The following ACTL8 variants were observed in gnomAD, a reference collection of about 807,000 sequenced individuals.
ACTL8 encodes the protein actin-like protein 8.
In ACTL8, 3 loss-of-function variants were observed where a neutral mutation model predicts 9.3. The observed-to-expected ratio is 0.32, with a 90% CI of 0.15 to 0.83. ACTL8 has a LOEUF of 0.83. Among genes scored for constraint, ACTL8 ranks in the 40% least tolerant of loss-of-function variants. ACTL8 has a pLI of 0.57. For synonymous variants in ACTL8, 224 were observed against 205.9 expected, an observed-to-expected ratio of 1.09 and a Z score of -0.75; for missense variants, 381 against 492.2, an observed-to-expected ratio of 0.77 and a Z score of 2.14.
In ACTL8 at chr1:17,823,493, A is replaced by AAAGTGTTGGGATT; in HGVS notation, c.348+138_348+139insAGTGTTGGGATTA. On this transcript the variant is annotated intron_variant, in intron 2 of 2. Transcript: ENST00000375406. This position sits in a 1 kb window ranked among gnomAD's most constrained non-coding sequence, Gnocchi z 5.3. ...TGTGGTGGCTTATGCCTGTAATCCC[A>AAAGTGTTGGGATT]ACACTTTGGGACTCCCAGGCAGGCA... 1 of 849,884 alleles carries AAAGTGTTGGGATT rather than the reference A, an allele frequency of 1.2e-6. No homozygotes were observed. The highest frequency in any genetic ancestry group is 1.8e-6 in the Non-Finnish European group (1 of 564,584). The allele number at this position is 849,884 out of a possible 1,614,324, so 52.6% of individuals were successfully genotyped here. A position where few individuals can be genotyped will look rare whatever the true frequency, so the allele number is the denominator to read the frequency against.
At chr1:17,786,228 A>G (rs1193479787) in intron 1 of ACTL8, among the ~76,000 whole-genome samples, 1 of 152,224 alleles carries the variant, frequency 6.6e-6, no homozygotes, top group Non-Finnish European at 1.5e-5. Context: ...ATGAAACGCC[A>G]TCACAGGAGA....
chr1:17,793,344 C>A (rs1385989613), intron 1 of ACTL8, among the ~76,000 whole-genome samples: 1 of 152,188 alleles, frequency 6.6e-6, no homozygotes, highest in Admixed American at 6.5e-5. Flanking sequence ...CTACTGTGTG[C>A]ACAGCCTGTG....
At chr1:17,810,596 G>T (rs1482913651) in intron 1 of ACTL8, among the ~76,000 whole-genome samples, 2 of 152,086 alleles carry the variant, frequency 1.3e-5, no homozygotes, top group Admixed American at 6.6e-5. Context: ...ATAAATGCAT[G>T]CAGGCATGTA....
chr1:17,794,098 C>T (rs981201451), intron 1 of ACTL8, among the ~76,000 whole-genome samples: 1 of 152,100 alleles, frequency 6.6e-6, no homozygotes, highest in Non-Finnish European at 1.5e-5. Flanking sequence ...TCACAATCAC[C>T]CTGTTTATGG....
intron 1 of ACTL8, among the ~76,000 whole-genome samples, chr1:17,755,949 G>A (rs1045846761): frequency 1.7e-4 from 26 of 152,160 alleles, no homozygotes; most frequent in Middle Eastern, 3.4e-3. Flanking sequence ...CCTGGGGTGG[G>A]GGGCTGTTCC....
intron 1 of ACTL8, among the ~76,000 whole-genome samples, chr1:17,761,363 C>T (rs898216203): frequency 1.3e-5 from 2 of 152,220 alleles, no homozygotes; most frequent in East Asian, 3.9e-4. Context: ...TTCTGCTTTA[C>T]CTGCTTCCCT....
chr1:17,773,680 G>A (rs2066098505), intron 1 of ACTL8, among the ~76,000 whole-genome samples: 1 of 152,210 alleles, frequency 6.6e-6, no homozygotes, highest in Non-Finnish European at 1.5e-5. Flanking sequence ...TCTCCCCTTA[G>A]CTGTGTGACT....
chr1:17,792,124 G>T (rs1464528856), intron 1 of ACTL8, among the ~76,000 whole-genome samples: 1 of 152,212 alleles, frequency 6.6e-6, no homozygotes, highest in Admixed American at 6.5e-5. Flanking sequence ...GTGTGGCTCA[G>T]CCAGGTCAGG....
chr1:17,784,799 A>G (rs939041185), intron 1 of ACTL8, among the ~76,000 whole-genome samples: 17 of 152,236 alleles, frequency 1.1e-4, no homozygotes, highest in Non-Finnish European at 2.9e-5. Context: ...ATGAGACACA[A>G]CATGGGCTTG....
rs571636885 is a variant in ACTL8 at position 17,790,048 on chromosome 1, C to T, written c.-24-32937C>T. 1.2e-4 allele frequency among the ~76,000 whole-genome samples: 18 copies of T among 152,326 alleles called. No homozygotes were observed. The South Asian group carries it at 3.7e-3, about 32-fold the overall frequency. On this transcript the variant is annotated intron_variant, in intron 1 of 2. Coordinates refer to ENST00000375406, the MANE Select transcript of ACTL8 (RefSeq NM_030812.3). ...GTGGTGTGTGGCCACTGCACACAGT[C>T]AGACATGCCAGCTGCTGCAGTGGGG...
At chr1:17,819,457 C>T (rs2053630417) in intron 1 of ACTL8, among the ~76,000 whole-genome samples, 2 of 152,228 alleles carry the variant, frequency 1.3e-5, no homozygotes, top group Non-Finnish European at 1.5e-5. Flanking sequence ...CAGCAGGGAG[C>T]CACTGGCCAG....
Position 17,799,460 on chromosome 1 carries a change from CTTT to C in ACTL8, c.-24-23516_-24-23514del, listed in dbSNP as rs144331230. Among the ~76,000 whole-genome samples the C allele has an allele frequency of 1.4e-4, 20 of 145,654 alleles. No individual in the cohort carries two copies. The South Asian group carries it at 2.0e-3, about 14-fold the overall frequency. The stretch of plus-strand genomic sequence containing the variant: ...TTTGTCAATTTCCTCATCTTTTTGT[CTTT>C]TTTTTTTTCTTGTTGGTTTCTAAGT... On this transcript the variant is annotated intron_variant, in intron 1 of 2. Transcript: ENST00000375406.
chr1:17,806,714 G>A (rs997335305), intron 1 of ACTL8, among the ~76,000 whole-genome samples: 12 of 152,234 alleles, frequency 7.9e-5, no homozygotes, highest in African/African-American at 2.7e-4. Context: ...GCAAGGGAGG[G>A]TTTTGGGATG....
intron 1 of ACTL8, among the ~76,000 whole-genome samples, chr1:17,798,841 G>C (rs900672248): frequency 6.6e-6 from 1 of 152,154 alleles, no homozygotes; most frequent in African/African-American, 2.4e-5. Context: ...AGATATGTGT[G>C]CATCCGTGTA....
At chr1:17,783,555 A>G (rs2066172957) in intron 1 of ACTL8, among the ~76,000 whole-genome samples, 1 of 152,144 alleles carries the variant, frequency 6.6e-6, no homozygotes, top group African/African-American at 2.4e-5. Flanking sequence ...GAGGAAAAGG[A>G]GTTCCATTCC....
At chr1:17,776,268 G>C (rs2066117440) in intron 1 of ACTL8, among the ~76,000 whole-genome samples, 1 of 152,198 alleles carries the variant, frequency 6.6e-6, no homozygotes, top group African/African-American at 2.4e-5. Context: ...TTTGGTGACA[G>C]CTGTCCTCTC....
At chr1:17,817,500 A>G (rs2066434129) in intron 1 of ACTL8, among the ~76,000 whole-genome samples, 1 of 151,832 alleles carries the variant, frequency 6.6e-6, no homozygotes, top group African/African-American at 2.4e-5. Context: ...TCCCTTCTTG[A>G]AATACTTTCT....
intron 1 of ACTL8, among the ~76,000 whole-genome samples, chr1:17,787,787 C>T (rs1275868004): frequency 1.3e-5 from 2 of 152,012 alleles, no homozygotes; most frequent in African/African-American, 4.8e-5. Flanking sequence ...ATTGCTGGGT[C>T]AAAAGGTTTG....
chr1:17,767,000 A>T (rs1199402170), intron 1 of ACTL8, among the ~76,000 whole-genome samples: 2 of 152,190 alleles, frequency 1.3e-5, no homozygotes, highest in Non-Finnish European at 2.9e-5. Context: ...AGATATGCAG[A>T]TGATGAATGT....
Sources: gnomAD v4.1 joint callset for allele counts (sites outside exome capture counted in the v4.1 genomes callset) on GRCh38, gnomAD v4.1.1 for gene constraint, Gnocchi (gnomAD v3.1) non-coding constraint, MANE v1.5 for transcripts, NCBI Gene and HGNC (gene_info 2026-07-23, HGNC 2026-07-21) for gene names.